The following KAT14 variants were observed in gnomAD, a reference collection of about 807,000 sequenced individuals.
The protein encoded by KAT14 is lysine acetyltransferase 14, also known as cysteine-rich protein 2-binding protein.
A neutral mutation model predicts 78.4 loss-of-function variants in KAT14; 66 were observed. The observed-to-expected ratio is 0.84, with a 90% CI of 0.69 to 1.03. The LOEUF (loss-of-function observed/expected upper bound fraction) is 1.03, where lower values mean the gene tolerates loss of function less well. KAT14 is among the 50% of genes least tolerant of loss of function. The probability of loss-of-function intolerance (pLI) is 0.00; values close to 1 mark genes in which losing one functional copy is unlikely to be tolerated. For missense variants in KAT14, 870 were observed against 972.5 expected, an observed-to-expected ratio of 0.89 and a Z score of 1.40; for synonymous variants, 344 against 359.4, an observed-to-expected ratio of 0.96 and a Z score of 0.48.
chr20:18,146,614 G>A (rs1363740378), intron 3 of KAT14, among the ~76,000 whole-genome samples: 1 of 152,142 alleles, frequency 6.6e-6, no homozygotes, highest in Non-Finnish European at 1.5e-5. Context: ...AGCCGAGATC[G>A]CGCCACTGCA....
intron 3 of KAT14, among the ~76,000 whole-genome samples, chr20:18,147,202 C>T (rs2037860676): frequency 6.6e-6 from 1 of 152,220 alleles, no homozygotes; most frequent in African/African-American, 2.4e-5. Flanking sequence ...CTGATGAAAT[C>T]TGTCAGTGTT....
At position 18,183,263 on chromosome 20, in the gene KAT14, C is replaced by A. The variant is rs370149832; in HGVS notation, c.1946C>A (p.Thr649Lys). ...YCYVRPNHIPTINSMCQEFFW... is the reference protein window; with the variant it reads ...YCYVRPNHIPKINSMCQEFFW... ...TATGTGCGGCCAAATCACATCCCAA[C>A]GATCAACTCCATGTGTCAGGAGTTT... is the stretch of plus-strand genomic sequence containing the variant. Residue 649 changes from threonine to lysine, a missense_variant, in exon 9 of 11, where the codon ACG (threonine) becomes AAG (lysine). Coordinates refer to ENST00000688188, the MANE Select transcript of KAT14 (RefSeq NM_001392073.1). 1 of 1,614,012 alleles carries A rather than the reference C, an allele frequency of 6.2e-7. No homozygotes were observed. The highest frequency in any genetic ancestry group is 1.1e-5 in the South Asian group (1 of 91,034).
rs185040560 is a variant in KAT14, at chr20:18,156,336, A to T, written c.501-2748A>T. Among the ~76,000 whole-genome samples the T allele has an allele frequency of 7.6e-4, 116 of 152,318 alleles. No homozygotes were observed. The Middle Eastern group carries it at 0.01, about 13-fold the overall frequency. On this transcript the variant is annotated intron_variant, in intron 4 of 10. Transcript: ENST00000688188. ...TGGTGGTGGTGATTGTACCATATAA[A>T]TGTACTTAATACCACTGAACTATAC...
chr20:18,161,604 A>T (rs1379124259), intron 5 of KAT14, among the ~76,000 whole-genome samples: 2 of 152,196 alleles, frequency 1.3e-5, no homozygotes, highest in Non-Finnish European at 2.9e-5. Flanking sequence ...CAAAATCAAA[A>T]ACACTCCAAA....
At chr20:18,176,751 G>T (rs1185536571) in intron 7 of KAT14, among the ~76,000 whole-genome samples, 1 of 152,196 alleles carries the variant, frequency 6.6e-6, no homozygotes, top group African/African-American at 2.4e-5. Flanking sequence ...GATCCTACAG[G>T]TCATAAGTAA....
At position 18,187,649 on chromosome 20, in the gene KAT14, C is replaced by T; in HGVS notation, c.*190C>T. 2 of 808,540 alleles carry T rather than the reference C, an allele frequency of 2.5e-6. No homozygotes were observed. Among genetic ancestry groups the T allele is most frequent in the African/African-American group, 1.8e-5 (1 of 55,964 alleles). 50.1% of individuals were successfully genotyped at this position (808,540 alleles called of 1,614,324 possible). ...TGAGCAGCCCTTTAGCAAAATCGCC[C>T]TCCAGTCCTTCCTGGAGATGCCTTC... On this transcript the variant is annotated 3_prime_UTR_variant, in exon 11 of 11. Coordinates refer to ENST00000688188, the MANE Select transcript of KAT14 (RefSeq NM_001392073.1).
intron 8 of KAT14, among the ~76,000 whole-genome samples, chr20:18,182,873 C>T (rs1224913191): frequency 1.3e-5 from 2 of 152,158 alleles, no homozygotes; most frequent in African/African-American, 4.8e-5. Context: ...GTATCTGTTT[C>T]CTCACTGTTC....
At chr20:18,144,888 G>A (rs899376809) in intron 2 of KAT14, among the ~76,000 whole-genome samples, 1 of 152,190 alleles carries the variant, frequency 6.6e-6, no homozygotes, top group African/African-American at 2.4e-5. Context: ...CTAGCCCAGT[G>A]CCTGGTATGC....
Position 18,161,984 on chromosome 20 carries a change from G to C in KAT14, c.844G>C (p.Asp282His). ...CCAGAAGGAGGCCGCTGGCTTTCTT[G>C]ACAGGAGCACATCTTCTACCCCTGT... ...RAQKEAAGFLDRSTSSTPVKF... is the reference protein window; with the variant it reads ...RAQKEAAGFLHRSTSSTPVKF... Residue 282 changes from aspartate (D) to histidine (H), a missense_variant, in exon 6 of 11, where the codon GAC (aspartate) becomes CAC (histidine). Transcript: ENST00000688188. 6.2e-7 allele frequency: 1 copy of C among 1,614,244 alleles called. No individual in the cohort carries two copies. The highest frequency in any genetic ancestry group is 8.5e-7 in the Non-Finnish European group (1 of 1,180,040).
chr20:18,157,917 G>T (rs930403593), intron 4 of KAT14, among the ~76,000 whole-genome samples: 21 of 152,104 alleles, frequency 1.4e-4, no homozygotes, highest in African/African-American at 3.6e-4. Context: ...CAAAAGCTTG[G>T]GGGTTTCATT....
chr20:18,137,396 G>A (rs2037338822), upstream of KAT14, among the ~76,000 whole-genome samples: 1 of 152,180 alleles, frequency 6.6e-6, no homozygotes, highest in Non-Finnish European at 1.5e-5. Flanking sequence ...TGGGTCCTCA[G>A]GCAAAAACTC....
chr20:18,170,954 T>C (rs2038823952), intron 7 of KAT14, among the ~76,000 whole-genome samples: 1 of 152,236 alleles, frequency 6.6e-6, no homozygotes, highest in African/African-American at 2.4e-5. Context: ...ACAACATCTA[T>C]TCTGTAACCC....
At chr20:18,165,199 C>A (rs1203555964) in intron 7 of KAT14, among the ~76,000 whole-genome samples, 2 of 146,722 alleles carry the variant, frequency 1.4e-5, no homozygotes, top group Non-Finnish European at 3.1e-5. Flanking sequence ...GTGTATGTCT[C>A]TAAATGATAT....
At position 18,145,335 on chromosome 20, in the gene KAT14, A is replaced by G. The variant is rs748562424; in HGVS notation, c.362A>G (p.Lys121Arg). The G allele has an allele frequency of 6.2e-7, 1 of 1,614,188 alleles. No homozygotes were observed. Among genetic ancestry groups the G allele is most frequent in the Admixed American group, 1.7e-5 (1 of 60,010 alleles). ...GGCAAGGAGCAGTATGAAAGGCTGA[A>G]GCTGACATGGCAGCAAGTGAGTAAA... ...ADGKEQYERL[K>R]LTWQQVVMLA... The change falls in exon 3 of 11, where the codon AAG becomes AGG. Residue 121 changes from lysine (K) to arginine (R), a missense_variant. Transcript: ENST00000688188.
chr20:18,145,122 A>G, intron 2 of KAT14, 111 bp from the exon 3 acceptor site: 1 of 1,442,700 alleles, frequency 6.9e-7, no homozygotes, highest in South Asian at 1.6e-5. Context: ...GGGTTGGCTG[A>G]AGAAAAGAAG....
Position 18,162,538 on chromosome 20 carries a change from GACAGGATGGATAT to G in KAT14, c.1262_1274del (p.Asp421ValfsTer38). 1 of 1,614,118 alleles carries G rather than the reference GACAGGATGGATAT, an allele frequency of 6.2e-7. No homozygotes were observed. The highest frequency in any genetic ancestry group is 2.2e-5 in the East Asian group (1 of 44,880). On this transcript the variant is annotated frameshift_variant, in exon 7 of 11. Coordinates refer to ENST00000688188, the MANE Select transcript of KAT14 (RefSeq NM_001392073.1). LOFTEE classifies it high-confidence loss of function. ...GGTAGAGAGTGAGGAGGAAAAACCC[GACAGGATGGATAT>G]TGACAGTGAAGACACAGATTCAAAC...
At chr20:18,156,547 A>T (rs995138716) in intron 4 of KAT14, among the ~76,000 whole-genome samples, 25 of 152,308 alleles carry the variant, frequency 1.6e-4, no homozygotes, top group African/African-American at 5.3e-4. Flanking sequence ...TTAGTTTGCT[A>T]ATGATGCTGT....
At chr20:18,141,041 T>TTTTA (rs200257656) in intron 1 of KAT14, among the ~76,000 whole-genome samples, 4,668 of 43,172 alleles carry the variant, frequency 0.11, 75 homozygotes, top group South Asian at 0.16. Context: ...TTTTTTTTTT[T>TTTTA]TTTTTATTTT....
rs1480801806 is a variant in KAT14, at chr20:18,150,924, C to CT, written c.488dup (p.Leu163PhefsTer5). 8 of 1,614,048 alleles carry CT rather than the reference C, an allele frequency of 5.0e-6. No homozygotes were observed. The highest frequency in any genetic ancestry group is 6.8e-6 in the Non-Finnish European group (8 of 1,179,950). Reference sequence around the variant, plus strand: ...TGTGCTTTTATTGAGAAACATTGGACTTTTTTACTAGGGAATAGGTAATGT... The same window carrying CT: ...TGTGCTTTTATTGAGAAACATTGGACTTTTTTTACTAGGGAATAGGTAATGT... On this transcript the variant is annotated frameshift_variant, in exon 4 of 11. Transcript: ENST00000688188. LOFTEE classifies it high-confidence loss of function.
Sources: gnomAD v4.1 joint callset for allele counts (sites outside exome capture counted in the v4.1 genomes callset) on GRCh38, gnomAD v4.1.1 for gene constraint, MANE v1.5 for transcripts, NCBI Gene and HGNC (gene_info 2026-07-23, HGNC 2026-07-21) for gene names.